The following TANC2 variants were observed in gnomAD, a reference collection of about 807,000 sequenced individuals.
The protein encoded by TANC2 is tetratricopeptide repeat, ankyrin repeat and coiled-coil containing 2, also known as protein TANC2.
Under a neutral mutation model 210.5 loss-of-function variants are expected in TANC2, and 26 were observed. That is an observed-to-expected ratio of 0.12 (90% CI 0.09 to 0.17). TANC2 has a LOEUF of 0.17. Among genes scored for constraint, TANC2 ranks in the 10% least tolerant of loss-of-function variants. The probability of loss-of-function intolerance (pLI) is 1.00; values close to 1 mark genes in which losing one functional copy is unlikely to be tolerated. For missense variants in TANC2, 2,129 were observed against 2,608.9 expected (o/e 0.82, Z 4.01); for synonymous variants, 931 against 967.1 (o/e 0.96, Z 0.69).
intron 9 of TANC2, among the ~76,000 whole-genome samples, chr17:63,268,976 C>G (rs1428680647): frequency 6.6e-6 from 1 of 152,100 alleles, no homozygotes; most frequent in African/African-American, 2.4e-5. Flanking sequence ...TTTTATCTTA[C>G]GGATGATTTT....
intron 2 of TANC2, among the ~76,000 whole-genome samples, chr17:63,012,784 T>C (rs975077682): frequency 1.3e-5 from 2 of 152,112 alleles, no homozygotes; most frequent in African/African-American, 4.8e-5. Flanking sequence ...CTGGAGTAGC[T>C]AGGACTACAG....
chr17:62,980,551 A>G (rs769071568), intron 1 of TANC2, among the ~76,000 whole-genome samples: 11 of 152,186 alleles, frequency 7.2e-5, no homozygotes, highest in Non-Finnish European at 1.2e-4. Context: ...TGGGTAAAGA[A>G]TACTTAACAT....
rs201018358 is a variant in TANC2, at chr17:63,351,395, A to G, written c.1953A>G (p.Val651=). The G allele has an allele frequency of 6.1e-5, 98 of 1,608,408 alleles. 1 individual carries two copies. The highest frequency in any genetic ancestry group is 5.0e-4 in the Middle Eastern group (3 of 6,032). Residue 651 remains valine (V), a synonymous_variant, in exon 13 of 28, where the codon GTA becomes GTG. Transcript: ENST00000689528. ...TTCCTTCTTGGCTCAAACTAATTGT[A>G]ACAGTTAGGACCAGTTTACAGGTAT... is the stretch of plus-strand genomic sequence containing the variant.
chr17:63,199,094 A>T (rs759712308), intron 6 of TANC2, among the ~76,000 whole-genome samples: 10 of 152,178 alleles, frequency 6.6e-5, no homozygotes, highest in Non-Finnish European at 1.5e-4. Context: ...ATGATTAAAC[A>T]CAAGGGACTG....
chr17:63,110,692 AGG>A (rs2038002930), intron 4 of TANC2, among the ~76,000 whole-genome samples: 1 of 152,194 alleles, frequency 6.6e-6, no homozygotes, highest in African/African-American at 2.4e-5. Context: ...CCACAAAGGG[AGG>A]AGCCTTTATA....
At position 63,419,000 on chromosome 17, in the gene TANC2, G is replaced by T. The variant is rs1249827042; in HGVS notation, c.4268+593G>T. Among the ~76,000 whole-genome samples the T allele has an allele frequency of 6.6e-6, 1 of 152,174 alleles. No individual in the cohort carries two copies. The highest frequency in any genetic ancestry group is 2.1e-4 in the South Asian group (1 of 4,816). On this transcript the variant is annotated intron_variant, in intron 27 of 27. Coordinates refer to ENST00000689528, the Ensembl canonical transcript of TANC2. The surrounding 1 kb of genome is among the most constrained non-coding windows in gnomAD (Gnocchi z 4.6). ...AAGAGAACACCATTCCACATTCCTT[G>T]TGCCCATCTGCTTTAGTTTGGCCAC...
At chr17:63,409,972 A>G (rs910589009) in intron 21 of TANC2, among the ~76,000 whole-genome samples, 3 of 152,232 alleles carry the variant, frequency 2.0e-5, no homozygotes, top group African/African-American at 7.2e-5. Context: ...GTGAAATCCA[A>G]AATGCTGCAA....
chr17:63,119,881 A>G (rs2038395794), intron 4 of TANC2, among the ~76,000 whole-genome samples: 1 of 152,106 alleles, frequency 6.6e-6, no homozygotes, highest in East Asian at 1.9e-4. Context: ...TTAGCCAGGC[A>G]TGATTGCACA....
At chr17:63,122,187 G>A (rs971709951) in intron 4 of TANC2, among the ~76,000 whole-genome samples, 1 of 152,064 alleles carries the variant, frequency 6.6e-6, no homozygotes, top group Non-Finnish European at 1.5e-5. Context: ...ATAGAGAAAC[G>A]GTTTAGCATT....
At chr17:63,377,078 C>T (rs547599583) in intron 14 of TANC2, among the ~76,000 whole-genome samples, 18 of 152,298 alleles carry the variant, frequency 1.2e-4, no homozygotes, top group East Asian at 1.9e-4. Context: ...ACAGCTGGAA[C>T]GCAAGATACA....
intron 2 of TANC2, among the ~76,000 whole-genome samples, chr17:63,037,531 A>T (rs926879848): frequency 1.3e-5 from 2 of 152,078 alleles, no homozygotes; most frequent in African/African-American, 4.8e-5. Flanking sequence ...ATATATATAT[A>T]GGCTGGGTGC....
intron 1 of TANC2, among the ~76,000 whole-genome samples, chr17:62,983,067 C>G (rs2032383998): frequency 3.3e-5 from 5 of 152,110 alleles, no homozygotes; most frequent in African/African-American, 1.2e-4. Flanking sequence ...CATTTTAACA[C>G]TCTTCTTCCA....
chr17:63,215,051 C>T (rs1490055081), intron 7 of TANC2, among the ~76,000 whole-genome samples: 2 of 152,206 alleles, frequency 1.3e-5, no homozygotes, highest in Non-Finnish European at 2.9e-5. Flanking sequence ...TTATTTCCCT[C>T]TACCCATTTC....
intron 2 of TANC2, among the ~76,000 whole-genome samples, chr17:63,065,244 A>G (rs2036153853): frequency 1.3e-5 from 2 of 152,244 alleles, no homozygotes; most frequent in South Asian, 4.1e-4. Flanking sequence ...CTTAAGACTG[A>G]ATAGTATTAC....
chr17:63,160,078 G>T (rs1261148989), intron 5 of TANC2, among the ~76,000 whole-genome samples: 1 of 152,194 alleles, frequency 6.6e-6, no homozygotes, highest in African/African-American at 2.4e-5. Flanking sequence ...GAGCAGAGAG[G>T]TTTCTCTTCT....
At chr17:63,037,772 C>T (rs570649644) in intron 2 of TANC2, among the ~76,000 whole-genome samples, 1 of 152,026 alleles carries the variant, frequency 6.6e-6, no homozygotes, top group Non-Finnish European at 1.5e-5. Context: ...CAAGATTGTG[C>T]CACTGTGTTC....
chr17:63,328,386 G>A (rs2045724837), intron 11 of TANC2, among the ~76,000 whole-genome samples: 1 of 150,526 alleles, frequency 6.6e-6, no homozygotes, highest in South Asian at 2.1e-4. Context: ...ATGTGTGTGT[G>A]TGTGTGTGTG....
intron 5 of TANC2, among the ~76,000 whole-genome samples, chr17:63,187,597 A>G (rs187927583): frequency 6.6e-6 from 1 of 152,260 alleles, no homozygotes; most frequent in Admixed American, 6.5e-5. Context: ...ATATACAGAC[A>G]CATACACATA....
intron 8 of TANC2, among the ~76,000 whole-genome samples, chr17:63,253,618 T>C (rs147035163): frequency 1.1e-4 from 16 of 152,238 alleles, no homozygotes; most frequent in Non-Finnish European, 1.8e-4. Flanking sequence ...GATTTTTGGT[T>C]TTGGGTTTTT....
Sources: allele counts gnomAD v4.1 joint callset (sites outside exome capture counted in the v4.1 genomes callset), GRCh38; gene constraint gnomAD v4.1.1; non-coding constraint Gnocchi (gnomAD v3.1); transcripts MANE v1.5; gene names NCBI Gene and HGNC (gene_info 2026-07-23, HGNC 2026-07-21).